GAB2: variants seen among roughly 807,000 people sequenced by gnomAD.
GAB2 encodes GRB2-associated-binding protein 2.
GAB2 carries 26 observed loss-of-function variants against 65.5 expected under a neutral mutation model. That is an observed-to-expected ratio of 0.40 (90% CI 0.29 to 0.55). The LOEUF (loss-of-function observed/expected upper bound fraction) is 0.55, where lower values mean the gene tolerates loss of function less well. GAB2 is among the 20% of genes least tolerant of loss of function. The probability of loss-of-function intolerance (pLI) is 0.53; values close to 1 mark genes in which losing one functional copy is unlikely to be tolerated. For synonymous variants in GAB2, 321 were observed against 329.6 expected (o/e 0.97, Z 0.28); for missense variants, 884 against 875.8 (o/e 1.01, Z -0.12).
intron 1 of GAB2, among the ~76,000 whole-genome samples, chr11:78,349,476 C>T (rs1348701723): frequency 1.3e-5 from 2 of 152,150 alleles, no homozygotes; most frequent in African/African-American, 4.8e-5. Flanking sequence ...TTGAAAGTCA[C>T]CCCGATGGTA....
At chr11:78,291,555 CTTTTTCTTTT>C (rs1418900032) in intron 1 of GAB2, among the ~76,000 whole-genome samples, 888 of 54,992 alleles carry the variant, frequency 0.016, 65 homozygotes, top group African/African-American at 0.054. Context: ...TTACTTTTTT[CTTTTTCTTTT>C]TTTTTTTTTT....
chr11:78,329,961 T>C (rs1426576227), intron 1 of GAB2, among the ~76,000 whole-genome samples: 1 of 152,228 alleles, frequency 6.6e-6, no homozygotes, highest in Non-Finnish European at 1.5e-5. Flanking sequence ...AAGGTGGAAA[T>C]GAGGCTAAGA....
intron 1 of GAB2, among the ~76,000 whole-genome samples, chr11:78,296,574 C>CA (rs1266242650): frequency 2.6e-5 from 4 of 151,960 alleles, no homozygotes; most frequent in Admixed American, 2.0e-4. Flanking sequence ...CACAAAAATG[C>CA]AAAAAACATG....
intron 1 of GAB2, among the ~76,000 whole-genome samples, chr11:78,354,949 T>C (rs544641433): frequency 4.6e-5 from 7 of 152,338 alleles, no homozygotes; most frequent in African/African-American, 1.7e-4. Context: ...GCTCCCCAGT[T>C]GAGGAGAGAA....
chr11:78,252,096 C>G (rs951812829), intron 2 of GAB2, among the ~76,000 whole-genome samples: 2 of 152,246 alleles, frequency 1.3e-5, no homozygotes, highest in African/African-American at 4.8e-5. Context: ...AAAGGGGACA[C>G]AGTTCACCTT....
At chr11:78,382,624 A>T (rs1469618708) in intron 1 of GAB2, among the ~76,000 whole-genome samples, 14 of 152,180 alleles carry the variant, frequency 9.2e-5, no homozygotes, top group Non-Finnish European at 2.1e-4. Context: ...ATAGTACTGC[A>T]CATAAAATTA....
chr11:78,294,444 C>T (rs1866769497), intron 1 of GAB2, among the ~76,000 whole-genome samples: 2 of 152,166 alleles, frequency 1.3e-5, no homozygotes, highest in South Asian at 4.1e-4. Flanking sequence ...AATGGGATTG[C>T]TGGGTCAAAT....
At chr11:78,275,137 T>C (rs1866130053) in intron 2 of GAB2, among the ~76,000 whole-genome samples, 1 of 152,130 alleles carries the variant, frequency 6.6e-6, no homozygotes, top group Admixed American at 6.6e-5. Flanking sequence ...GGTGACTGGA[T>C]TGTTCTCAAC....
At chr11:78,329,076 A>G (rs1045777990) in intron 1 of GAB2, among the ~76,000 whole-genome samples, 1 of 152,140 alleles carries the variant, frequency 6.6e-6, no homozygotes, top group Non-Finnish European at 1.5e-5. Flanking sequence ...TGGATAGACA[A>G]ATAGATAAGT....
At chr11:78,363,579 A>G (rs572203435) in intron 1 of GAB2, among the ~76,000 whole-genome samples, 2 of 150,394 alleles carry the variant, frequency 1.3e-5, no homozygotes, top group South Asian at 4.2e-4. Context: ...AAATAGAAAT[A>G]TATTTTCTTT....
At chr11:78,343,464 A>G (rs1856132769) in intron 1 of GAB2, among the ~76,000 whole-genome samples, 1 of 151,998 alleles carries the variant, frequency 6.6e-6, no homozygotes, top group Non-Finnish European at 1.5e-5. Context: ...GGAGAGAGGA[A>G]TAAGGGCAAA....
chr11:78,402,270 G>T (rs764845493), intron 1 of GAB2, among the ~76,000 whole-genome samples: 22 of 151,846 alleles, frequency 1.4e-4, no homozygotes, highest in Non-Finnish European at 2.6e-4. Context: ...CTTCTATCTA[G>T]TCAGGTCCTA....
chr11:78,300,074 A>C (rs1866950701), intron 1 of GAB2, among the ~76,000 whole-genome samples: 1 of 152,212 alleles, frequency 6.6e-6, no homozygotes, highest in Admixed American at 6.5e-5. Flanking sequence ...CAACATTTCC[A>C]TGACCCCAAA....
chr11:78,371,253 A>G (rs953869400), intron 1 of GAB2, among the ~76,000 whole-genome samples: 5 of 152,242 alleles, frequency 3.3e-5, no homozygotes, highest in African/African-American at 1.2e-4. Context: ...GGAAAAACCT[A>G]TACTTAGTCT....
intron 3 of GAB2, among the ~76,000 whole-genome samples, chr11:78,247,851 C>G (rs187902075): frequency 8.7e-4 from 132 of 152,272 alleles, no homozygotes; most frequent in African/African-American, 3.1e-3. Flanking sequence ...ATTCTGCAAA[C>G]ATTATTTGAA....
At chr11:78,326,695 G>A (rs935361441) in intron 1 of GAB2, among the ~76,000 whole-genome samples, 2 of 152,152 alleles carry the variant, frequency 1.3e-5, no homozygotes, top group African/African-American at 2.4e-5. Flanking sequence ...TCATCTTTGT[G>A]TTCTCAGTAC....
intron 1 of GAB2, among the ~76,000 whole-genome samples, chr11:78,334,436 C>T (rs1462251950): frequency 6.6e-6 from 1 of 152,120 alleles, no homozygotes; most frequent in African/African-American, 2.4e-5. Flanking sequence ...GGTAACCATC[C>T]TTCTACTGTC....
intron 1 of GAB2, among the ~76,000 whole-genome samples, chr11:78,295,288 T>A (rs377504050): frequency 1.3e-5 from 2 of 152,190 alleles, no homozygotes; most frequent in East Asian, 1.9e-4. Context: ...ATAAACTCTT[T>A]CCTCATTTAA....
chr11:78,366,332 C>A (rs1354069294), intron 1 of GAB2, among the ~76,000 whole-genome samples: 5 of 152,058 alleles, frequency 3.3e-5, no homozygotes, highest in Non-Finnish European at 7.4e-5. Flanking sequence ...GTAATCCCAG[C>A]ACTTTGGGAG....
Sources: allele counts gnomAD v4.1 joint callset (sites outside exome capture counted in the v4.1 genomes callset), GRCh38; gene constraint gnomAD v4.1.1; transcripts MANE v1.5; gene names NCBI Gene and HGNC (gene_info 2026-07-23, HGNC 2026-07-21).